CFAP221: variants seen among roughly 807,000 people sequenced by gnomAD.
The protein encoded by CFAP221 is cilia and flagella associated protein 221.
Under a neutral mutation model 113.1 loss-of-function variants are expected in CFAP221, and 97 were observed. The observed-to-expected ratio is 0.86, with a 90% CI of 0.73 to 1.02. CFAP221 has a LOEUF of 1.02. Ranked by LOEUF, CFAP221 falls within the 50% of genes least tolerant of loss-of-function variation. The probability of loss-of-function intolerance (pLI) is 0.00; values close to 1 mark genes in which losing one functional copy is unlikely to be tolerated. For synonymous variants in CFAP221, 331 were observed against 354.4 expected, an observed-to-expected ratio of 0.93 and a Z score of 0.74; for missense variants, 1,025 against 1,013.4, an observed-to-expected ratio of 1.01 and a Z score of -0.16.
chr2:119,654,799 T>C (rs1295411041), intron 23 of CFAP221, among the ~76,000 whole-genome samples: 2 of 152,242 alleles, frequency 1.3e-5, no homozygotes, highest in Admixed American at 1.3e-4. Flanking sequence ...TTATTTTATG[T>C]ACATTTTTTG....
At chr2:119,565,661 A>T (rs1397898918) in intron 6 of CFAP221, among the ~76,000 whole-genome samples, 2 of 152,232 alleles carry the variant, frequency 1.3e-5, no homozygotes, top group Non-Finnish European at 1.5e-5. Context: ...TGATATTTTT[A>T]AAAAATCTTT....
At chr2:119,550,943 T>C (rs1680375860) in intron 3 of CFAP221, among the ~76,000 whole-genome samples, 1 of 152,022 alleles carries the variant, frequency 6.6e-6, no homozygotes, top group Non-Finnish European at 1.5e-5. Context: ...CAATCACTCA[T>C]CCAGTTTCTG....
chr2:119,559,077 C>T (rs967902460), intron 3 of CFAP221, among the ~76,000 whole-genome samples: 8 of 152,142 alleles, frequency 5.3e-5, no homozygotes, highest in Non-Finnish European at 5.9e-5. Flanking sequence ...CCCTTTCAAA[C>T]GAAGGAAGGA....
chr2:119,561,773 A>G (rs891504772), intron 5 of CFAP221, among the ~76,000 whole-genome samples: 3 of 151,906 alleles, frequency 2.0e-5, no homozygotes, highest in African/African-American at 7.3e-5. Context: ...ATGAGGCGTC[A>G]TTATCTTTAG....
At chr2:119,619,955 A>G (rs926886255) in intron 14 of CFAP221, among the ~76,000 whole-genome samples, 4 of 152,206 alleles carry the variant, frequency 2.6e-5, no homozygotes, top group African/African-American at 9.7e-5. Flanking sequence ...CACAAGTATC[A>G]AGAGCCAAAT....
intron 7 of CFAP221, among the ~76,000 whole-genome samples, chr2:119,595,499 A>G (rs965205806): frequency 3.9e-5 from 6 of 152,076 alleles, no homozygotes; most frequent in Non-Finnish European, 7.4e-5. Context: ...TTACTTCACT[A>G]TCTTTTGCCA....
intron 14 of CFAP221, among the ~76,000 whole-genome samples, chr2:119,616,770 A>T (rs1343308480): frequency 6.6e-6 from 1 of 152,122 alleles, no homozygotes; most frequent in Non-Finnish European, 1.5e-5. Context: ...ATGGGACTGC[A>T]CCTGTCCTTT....
At chr2:119,577,625 A>G (rs1268399008) in intron 6 of CFAP221, among the ~76,000 whole-genome samples, 2 of 152,186 alleles carry the variant, frequency 1.3e-5, no homozygotes, top group Non-Finnish European at 2.9e-5. Flanking sequence ...GGACCTCTCT[A>G]TAGATCAGTT....
In CFAP221 at chr2:119,569,256, C is replaced by T. The variant is rs1238025219; in HGVS notation, c.527+7142C>T. ...TCACACCATTCTCCTGCCTCAGGGACTACAGGCACCCACCACCACACCCAG... is the reference window on the plus strand; with the variant it reads ...TCACACCATTCTCCTGCCTCAGGGATTACAGGCACCCACCACCACACCCAG... On this transcript the variant is annotated intron_variant, in intron 6 of 23. Transcript: ENST00000413369. Among the ~76,000 whole-genome samples, 5 of 152,012 alleles carry T rather than the reference C, an allele frequency of 3.3e-5. No homozygotes were observed. The South Asian group carries it at 6.2e-4, about 19-fold the overall frequency.
chr2:119,645,591 T>G (rs1687756313), intron 21 of CFAP221, among the ~76,000 whole-genome samples: 1 of 152,082 alleles, frequency 6.6e-6, no homozygotes, highest in African/African-American at 2.4e-5. Context: ...GCTATAATTT[T>G]TTTTTCAGCC....
chr2:119,651,956 C>T lies in CFAP221; in HGVS notation c.2319-18C>T. On this transcript the variant is annotated intron_variant, in intron 22 of 23. Coordinates refer to ENST00000413369, the MANE Select transcript of CFAP221 (RefSeq NM_001271049.2). ...GGAAGGAAAAGCAGTGCCCACTAAA[C>T]ATCTTATTACTTTGCAGTGAGCTCT... 3.2e-6 allele frequency: 5 copies of T among 1,582,904 alleles called. No homozygotes were observed. The highest frequency in any genetic ancestry group is 1.3e-5 in the African/African-American group (1 of 74,214).
chr2:119,604,708 G>T lies in CFAP221; in HGVS notation c.828G>T (p.Lys276Asn). The change falls in exon 9 of 24, where the codon AAG becomes AAT. Residue 276 changes from lysine to asparagine, a missense_variant. Lys to Asn is a moderately conservative substitution (Grantham distance 94). Transcript: ENST00000413369. Reference protein sequence around the residue: ...EEFERLNTLSKKVNVPPEKAM... With the variant: ...EEFERLNTLSNKVNVPPEKAM... ...TTGAAAGGTTGAATACCCTTTCTAA[G>T]AAAGTAAACGTTCCTCCAGAAAAAG... 1 of 1,553,960 alleles carries T rather than the reference G, an allele frequency of 6.4e-7. No homozygotes were observed. The highest frequency in any genetic ancestry group is 8.7e-7 in the Non-Finnish European group (1 of 1,155,780).
Position 119,549,110 on chromosome 2 carries a change from TAAG to T in CFAP221, c.166_168del (p.Lys56del). The T allele has an allele frequency of 6.5e-7, 1 of 1,532,652 alleles. No individual in the cohort carries two copies. Among genetic ancestry groups the T allele is most frequent in the Non-Finnish European group, 8.7e-7 (1 of 1,145,928 alleles). The allele number at this position is 1,532,652 out of a possible 1,614,324, so 94.9% of individuals were successfully genotyped here. ...AGGTTTATGCAAAACTTGTGAATAATAAGGTCATACAGGCAAGACCTGGCATAA... is the reference window on the plus strand; with the variant it reads ...AGGTTTATGCAAAACTTGTGAATAATGTCATACAGGCAAGACCTGGCATAA... On this transcript the variant is annotated inframe_deletion, in exon 3 of 24. Coordinates refer to ENST00000413369, the MANE Select transcript of CFAP221 (RefSeq NM_001271049.2).
chr2:119,560,229 C>G (rs1190922056), intron 5 of CFAP221, among the ~76,000 whole-genome samples: 3 of 152,064 alleles, frequency 2.0e-5, no homozygotes, highest in Non-Finnish European at 4.4e-5. Flanking sequence ...AAGTGTTAGG[C>G]TGCAGAGGAC....
intron 7 of CFAP221, 108 bp downstream of exon 7, chr2:119,587,330 G>A (rs570070209): frequency 1.5e-6 from 1 of 666,786 alleles, no homozygotes; most frequent in East Asian, 3.2e-5. Flanking sequence ...CTGACCTGAT[G>A]TAAAATGGAA....
intron 13 of CFAP221, among the ~76,000 whole-genome samples, chr2:119,613,059 G>A (rs1382906310): frequency 1.3e-5 from 2 of 152,202 alleles, no homozygotes; most frequent in African/African-American, 2.4e-5. Context: ...ATTCAATAGG[G>A]CAGTCATTAA....
At chr2:119,654,073 G>A (rs1053338716) in intron 23 of CFAP221, among the ~76,000 whole-genome samples, 1 of 151,968 alleles carries the variant, frequency 6.6e-6, no homozygotes, top group African/African-American at 2.4e-5. Context: ...GTTGTGGGGG[G>A]CCTGCCTTTT....
At chr2:119,648,596 T>C (rs1466288523) in intron 22 of CFAP221, 1 of 170,046 alleles carries the variant, frequency 5.9e-6, no homozygotes, top group Non-Finnish European at 1.4e-5. Flanking sequence ...CTCCTGTTAC[T>C]GAAGACCCAT....
chr2:119,629,362 C>G (rs1331693852), intron 16 of CFAP221, among the ~76,000 whole-genome samples: 1 of 152,154 alleles, frequency 6.6e-6, no homozygotes, highest in Non-Finnish European at 1.5e-5. Context: ...GGACTGGGGT[C>G]CACCTCAACA....
Sources: gnomAD v4.1 joint callset for allele counts (sites outside exome capture counted in the v4.1 genomes callset) on GRCh38, gnomAD v4.1.1 for gene constraint, MANE v1.5 for transcripts, NCBI Gene and HGNC (gene_info 2026-07-23, HGNC 2026-07-21) for gene names.